Variants in PLAAT3 observed in about 807,000 individuals in gnomAD.
The protein encoded by PLAAT3 is Ca-independent phospholipase A1/2.
Under a neutral mutation model 16.7 loss-of-function variants are expected in PLAAT3, and 21 were observed. That is an observed-to-expected ratio of 1.26 (90% CI 0.89 to 1.81). PLAAT3 has a LOEUF of 1.81. Ranked by LOEUF, PLAAT3 falls within the 40% of genes most tolerant of loss-of-function variation. The probability of loss-of-function intolerance (pLI) is 0.00; values close to 1 mark genes in which losing one functional copy is unlikely to be tolerated. For missense variants in PLAAT3, 219 were observed against 213.7 expected, an observed-to-expected ratio of 1.02 and a Z score of -0.16; for synonymous variants, 76 against 81.7, an observed-to-expected ratio of 0.93 and a Z score of 0.38.
chr11:63,576,600 G>A (rs562174433), intron 4 of PLAAT3, among the ~76,000 whole-genome samples: 1 of 152,296 alleles, frequency 6.6e-6, no homozygotes, highest in East Asian at 1.9e-4. Flanking sequence ...TCCGTCCTTG[G>A]CAACACAGCA....
intron 2 of PLAAT3, among the ~76,000 whole-genome samples, chr11:63,605,868 G>A (rs1938545007): frequency 6.6e-6 from 1 of 151,518 alleles, no homozygotes; most frequent in African/African-American, 2.4e-5. Flanking sequence ...TTGTTTGTTT[G>A]TTTAATTTAA....
chr11:63,594,368 G>A (rs985435070), intron 3 of PLAAT3, among the ~76,000 whole-genome samples: 2 of 152,162 alleles, frequency 1.3e-5, no homozygotes, highest in Admixed American at 6.5e-5. Flanking sequence ...AGGGAAATGA[G>A]AGAGGAGGAG....
chr11:63,597,931 G>A (rs1308725779), intron 3 of PLAAT3, 130 bp downstream of exon 3: 3 of 670,010 alleles, frequency 4.5e-6, no homozygotes, highest in Non-Finnish European at 8.0e-6. Flanking sequence ...CAAACTTCTT[G>A]TAACATTCAG....
chr11:63,580,254 G>C (rs563855380), intron 4 of PLAAT3, among the ~76,000 whole-genome samples: 5 of 152,176 alleles, frequency 3.3e-5, no homozygotes, highest in African/African-American at 9.7e-5. Flanking sequence ...AGCCCCAAAA[G>C]GTGTCCATGT....
intron 4 of PLAAT3, among the ~76,000 whole-genome samples, chr11:63,582,977 A>C (rs1024696023): frequency 1.3e-5 from 2 of 152,068 alleles, no homozygotes; most frequent in Admixed American, 6.6e-5. Context: ...CTAAACATAC[A>C]AAAATTAGCC....
upstream of PLAAT3, among the ~76,000 whole-genome samples, chr11:63,616,071 CAT>C (rs1938865751): frequency 6.6e-6 from 1 of 152,176 alleles, no homozygotes; most frequent in South Asian, 2.1e-4. Context: ...AGCTAATTAA[CAT>C]ATGCATTACC....
At chr11:63,593,548 T>A in intron 3 of PLAAT3, among the ~76,000 whole-genome samples, 1 of 152,078 alleles carries the variant, frequency 6.6e-6, no homozygotes, top group East Asian at 1.9e-4. Context: ...AGTGTAGACT[T>A]TGATGCTTTG....
chr11:63,578,445 G>C (rs1937688396), intron 4 of PLAAT3, among the ~76,000 whole-genome samples: 1 of 152,174 alleles, frequency 6.6e-6, no homozygotes, highest in Non-Finnish European at 1.5e-5. Context: ...AAAAGATCAG[G>C]AATCAGGATG....
chr11:63,605,673 C>T (rs2134427687), intron 2 of PLAAT3, among the ~76,000 whole-genome samples: 1 of 152,056 alleles, frequency 6.6e-6, no homozygotes, highest in African/African-American at 2.4e-5. Context: ...CTGCCTCAGC[C>T]TCCCGAGTAG....
chr11:63,613,385 T>C (rs1217073525), intron 2 of PLAAT3, among the ~76,000 whole-genome samples: 1 of 151,922 alleles, frequency 6.6e-6, no homozygotes, highest in African/African-American at 2.4e-5. Flanking sequence ...CACTCCAGCC[T>C]GGGTGACAGA....
intron 2 of PLAAT3, among the ~76,000 whole-genome samples, chr11:63,600,972 A>G (rs1279515898): frequency 6.6e-6 from 1 of 152,066 alleles, no homozygotes; most frequent in Non-Finnish European, 1.5e-5. Context: ...TCACAGAAGT[A>G]AACACTGAAA....
intron 4 of PLAAT3, among the ~76,000 whole-genome samples, chr11:63,584,888 A>C (rs1937924692): frequency 6.6e-6 from 1 of 152,194 alleles, no homozygotes; most frequent in South Asian, 2.1e-4. Context: ...GATTCTTTAA[A>C]ACACACAAAA....
upstream of PLAAT3, among the ~76,000 whole-genome samples, chr11:63,615,260 ATATG>A (rs1389623565): frequency 8.1e-6 from 1 of 122,998 alleles, no homozygotes; most frequent in African/African-American, 3.0e-5. Flanking sequence ...GTGTGTATAT[ATATG>A]TGTGTATATA....
chr11:63,609,999 A>G (rs1423171897), intron 2 of PLAAT3, among the ~76,000 whole-genome samples: 1 of 152,122 alleles, frequency 6.6e-6, no homozygotes, highest in African/African-American at 2.4e-5. Context: ...CATGTTACCA[A>G]TCGGGAAACT....
intron 4 of PLAAT3, among the ~76,000 whole-genome samples, chr11:63,579,421 C>T (rs999270168): frequency 6.6e-6 from 1 of 152,086 alleles, no homozygotes; most frequent in Non-Finnish European, 1.5e-5. Flanking sequence ...GACACATGCA[C>T]ACGTATGTTT....
At chr11:63,611,154 C>T (rs1325346447) in intron 2 of PLAAT3, among the ~76,000 whole-genome samples, 3 of 152,146 alleles carry the variant, frequency 2.0e-5, no homozygotes, top group Non-Finnish European at 4.4e-5. Flanking sequence ...GTCACCCAGG[C>T]TGGAGTGCAC....
rs1380336519 is a variant in PLAAT3 at position 63,574,822 on chromosome 11, AT to A, written c.*122del. The A allele has an allele frequency of 1.5e-5, 10 of 663,212 alleles. No individual in the cohort carries two copies. Among genetic ancestry groups the A allele is most frequent in the Non-Finnish European group, 2.7e-5 (10 of 369,730 alleles). 41.1% of individuals were successfully genotyped at this position (663,212 alleles called of 1,614,324 possible). A position where few individuals can be genotyped will look rare whatever the true frequency, so the allele number is the denominator to read the frequency against. Reference sequence around the variant, plus strand: ...ATCCTCCCTCGTTTTGCTTTATTTTATTCTGTGAAAATAAGCCTTATTATAA... The same window carrying A: ...ATCCTCCCTCGTTTTGCTTTATTTTATCTGTGAAAATAAGCCTTATTATAA... On this transcript the variant is annotated 3_prime_UTR_variant, in exon 5 of 5. Transcript: ENST00000415826.
At chr11:63,604,765 A>G (rs975344696) in intron 2 of PLAAT3, among the ~76,000 whole-genome samples, 2 of 152,162 alleles carry the variant, frequency 1.3e-5, no homozygotes, top group Non-Finnish European at 2.9e-5. Flanking sequence ...TGCCTCAAAA[A>G]AAAAAAAGTA....
At chr11:63,593,638 G>A (rs1176217578) in intron 3 of PLAAT3, among the ~76,000 whole-genome samples, 1 of 152,124 alleles carries the variant, frequency 6.6e-6, no homozygotes, top group East Asian at 1.9e-4. Flanking sequence ...GTGCAATCTT[G>A]GTTCACTGCA....
Sources: allele counts gnomAD v4.1 joint callset (sites outside exome capture counted in the v4.1 genomes callset), GRCh38; gene constraint gnomAD v4.1.1; transcripts MANE v1.5; gene names NCBI Gene and HGNC (gene_info 2026-07-23, HGNC 2026-07-21).